The following PRKAR1B variants were observed in gnomAD, a reference collection of about 807,000 sequenced individuals.
PRKAR1B encodes cAMP-dependent protein kinase type I-beta regulatory subunit.
Under a neutral mutation model 46.5 loss-of-function variants are expected in PRKAR1B, and 22 were observed. That is an observed-to-expected ratio of 0.47 (90% CI 0.34 to 0.68). The LOEUF is 0.68. Among genes scored for constraint, PRKAR1B ranks in the 30% least tolerant of loss-of-function variants. The probability of loss-of-function intolerance (pLI) is 0.01; values close to 1 mark genes in which losing one functional copy is unlikely to be tolerated. For synonymous variants in PRKAR1B, 259 were observed against 217.7 expected (o/e 1.19, Z -1.67); for missense variants, 445 against 535.6 (o/e 0.83, Z 1.67).
chr7:650,826 C>G (rs929008873), intron 4 of PRKAR1B, among the ~76,000 whole-genome samples: 4 of 152,180 alleles, frequency 2.6e-5, no homozygotes, highest in Non-Finnish European at 5.9e-5. Flanking sequence ...AGGCTGGGAC[C>G]GAGCCCAGAG....
chr7:579,397 A>G lies in PRKAR1B; in HGVS notation c.770-20T>C. On this transcript the variant is annotated intron_variant, in intron 8 of 10. Transcript: ENST00000537384. ...GGGACTCTGTCGGGGGAGGATGAGG[A>G]CAGGTCATCCCGGGGCCCACGCCCC... 1 of 1,612,006 alleles carries G rather than the reference A, an allele frequency of 6.2e-7. No individual in the cohort carries two copies. The highest frequency in any genetic ancestry group is 8.5e-7 in the Non-Finnish European group (1 of 1,179,982).
chr7:647,162 C>A (rs1412432858), intron 4 of PRKAR1B, among the ~76,000 whole-genome samples: 2 of 152,208 alleles, frequency 1.3e-5, no homozygotes, highest in Non-Finnish European at 2.9e-5. Context: ...AACCAGCCTG[C>A]CTGCCCACCT....
intron 9 of PRKAR1B, among the ~76,000 whole-genome samples, chr7:574,525 A>G (rs1233530583): frequency 1.3e-5 from 2 of 151,986 alleles, no homozygotes; most frequent in Non-Finnish European, 2.9e-5. Flanking sequence ...GCTCACTGCA[A>G]TCTCTGCCTC....
At chr7:585,195 C>A (rs1780526856) in intron 7 of PRKAR1B, among the ~76,000 whole-genome samples, 1 of 152,266 alleles carries the variant, frequency 6.6e-6, no homozygotes, top group South Asian at 2.1e-4. Flanking sequence ...GAAAAACACA[C>A]CCCTTCTTTA....
chr7:711,776 G>T (rs1479772621), intron 1 of PRKAR1B, among the ~76,000 whole-genome samples: 1 of 152,254 alleles, frequency 6.6e-6, no homozygotes, highest in East Asian at 1.9e-4. Context: ...GGGGGCTCAG[G>T]CAGACAGGGG....
intron 1 of PRKAR1B, chr7:713,106 C>G (rs990829432): frequency 1.3e-5 from 2 of 152,242 alleles, no homozygotes; most frequent in African/African-American, 4.8e-5. Flanking sequence ...CTCTTGGTGA[C>G]GGTCCTAACC....
At chr7:704,543 A>C (rs1420577039) in intron 2 of PRKAR1B, among the ~76,000 whole-genome samples, 1 of 152,206 alleles carries the variant, frequency 6.6e-6, no homozygotes, top group Non-Finnish European at 1.5e-5. Flanking sequence ...TGGGAGGCCG[A>C]GGCGGGTGGA....
Position 663,000 on chromosome 7 carries a change from C to G in PRKAR1B, c.440+14229G>C, listed in dbSNP as rs143848665. Among the ~76,000 whole-genome samples, 4 of 152,298 alleles carry G rather than the reference C, an allele frequency of 2.6e-5. No homozygotes were observed. The East Asian group carries it at 7.7e-4, about 29-fold the overall frequency. ...AAAAGATCTAAGAGTGTTCAATGAA[C>G]AGACAGGACAGAGTCCTGAAAGAGG... is the stretch of plus-strand genomic sequence containing the variant. On this transcript the variant is annotated intron_variant, in intron 4 of 10. Transcript: ENST00000537384.
intron 1 of PRKAR1B, among the ~76,000 whole-genome samples, chr7:716,350 C>A (rs115359679): frequency 0.045 from 6,786 of 152,162 alleles, 218 homozygotes; most frequent in Non-Finnish European, 0.069. Flanking sequence ...GCCACCGCAC[C>A]CGGTCCGAAG....
At chr7:583,343 A>C (rs1271946123) in intron 8 of PRKAR1B, among the ~76,000 whole-genome samples, 1 of 151,800 alleles carries the variant, frequency 6.6e-6, no homozygotes, top group Non-Finnish European at 1.5e-5. Flanking sequence ...GCATACACAC[A>C]CGTGCACACA....
At chr7:596,433 G>A (rs950756411) in intron 6 of PRKAR1B, 129 bp from the exon 7 acceptor site, 26 of 1,157,906 alleles carry the variant, frequency 2.2e-5, no homozygotes, top group African/African-American at 1.7e-4. Flanking sequence ...AAGCCCTTTC[G>A]CTTGTGGGCA....
At chr7:723,515 G>A (rs1190216245) in intron 1 of PRKAR1B, among the ~76,000 whole-genome samples, 1 of 152,188 alleles carries the variant, frequency 6.6e-6, no homozygotes, top group Non-Finnish European at 1.5e-5. Context: ...CTCGTCGCCT[G>A]CTATGTGCAG....
At chr7:715,720 T>A (rs1780848017) in intron 1 of PRKAR1B, among the ~76,000 whole-genome samples, 1 of 151,782 alleles carries the variant, frequency 6.6e-6, no homozygotes, top group African/African-American at 2.4e-5. Context: ...AGCCACATTT[T>A]ATTTTTTTTT....
chr7:613,375 T>A (rs575377013), intron 4 of PRKAR1B, among the ~76,000 whole-genome samples: 2 of 152,220 alleles, frequency 1.3e-5, no homozygotes, highest in East Asian at 3.9e-4. Flanking sequence ...AAGGGCAGAC[T>A]TAAGGCTCTT....
intron 2 of PRKAR1B, among the ~76,000 whole-genome samples, chr7:702,618 T>C: frequency 6.6e-6 from 1 of 152,060 alleles, no homozygotes; most frequent in East Asian, 1.9e-4. Context: ...GGTCAGGAGA[T>C]CGAGACCATC....
In PRKAR1B at chr7:636,255, C is replaced by CT. The variant is rs1784067890; in HGVS notation, c.441-28804_441-28803insA. On this transcript the variant is annotated intron_variant, in intron 4 of 10. Transcript: ENST00000537384. Reference sequence around the variant, plus strand: ...ACGTCCTCCACCGGCCGCGCCCTCACGTCCTCCACCGGCCGCGCCCTCACG... The same window carrying CT: ...ACGTCCTCCACCGGCCGCGCCCTCACTGTCCTCCACCGGCCGCGCCCTCACG... Among the ~76,000 whole-genome samples the CT allele has an allele frequency of 8.3e-4, 7 of 8,418 alleles. 1 individual carries two copies. The highest frequency in any genetic ancestry group is 7.0e-4 in the Non-Finnish European group (3 of 4,292). The allele number at this position is 8,418 out of a possible 152,430, so 5.5% of individuals were successfully genotyped here.
intron 2 of PRKAR1B, among the ~76,000 whole-genome samples, chr7:709,367 ATTTCT>A (rs1322404752): frequency 7.7e-6 from 1 of 129,578 alleles, no homozygotes; most frequent in Non-Finnish European, 1.6e-5. Context: ...GTGTGTATGT[ATTTCT>A]TTTTTTTTTT....
chr7:562,642 G>A (rs954538613), intron 9 of PRKAR1B, among the ~76,000 whole-genome samples: 1 of 152,218 alleles, frequency 6.6e-6, no homozygotes, highest in African/African-American at 2.4e-5. Context: ...CCCTCCATCT[G>A]CCTGGTCACA....
intron 4 of PRKAR1B, among the ~76,000 whole-genome samples, chr7:613,132 C>G (rs1361387867): frequency 6.6e-6 from 1 of 151,972 alleles, no homozygotes; most frequent in East Asian, 1.9e-4. Flanking sequence ...AAAAACACAA[C>G]CATAAAGTAA....
Sources: allele counts gnomAD v4.1 joint callset (sites outside exome capture counted in the v4.1 genomes callset), GRCh38; gene constraint gnomAD v4.1.1; transcripts MANE v1.5; gene names NCBI Gene and HGNC (gene_info 2026-07-23, HGNC 2026-07-21).